Variants in ATP8A2 observed in about 807,000 individuals in gnomAD.
ATP8A2 encodes the protein ATPase phospholipid transporting 8A2, also known as phospholipid-transporting ATPase IB.
ATP8A2 carries 100 observed loss-of-function variants against 165.6 expected under a neutral mutation model. The ratio of observed to expected loss-of-function variants is 0.60; its 90% CI spans 0.51 to 0.71. The LOEUF is 0.71. Among genes scored for constraint, ATP8A2 ranks in the 30% least tolerant of loss-of-function variants. ATP8A2 has a pLI of 0.00. For missense variants in ATP8A2, 1,227 were observed against 1,479.5 expected, an observed-to-expected ratio of 0.83 and a Z score of 2.80; for synonymous variants, 543 against 548.8, an observed-to-expected ratio of 0.99 and a Z score of 0.15.
chr13:25,485,860 A>T (rs2036335851), intron 2 of ATP8A2, among the ~76,000 whole-genome samples: 1 of 152,158 alleles, frequency 6.6e-6, no homozygotes, highest in African/African-American at 2.4e-5. Flanking sequence ...ACCTCTTCAT[A>T]TGTTGTTGGG....
chr13:25,674,753 G>A (rs2042338597), intron 24 of ATP8A2, among the ~76,000 whole-genome samples: 1 of 152,170 alleles, frequency 6.6e-6, no homozygotes, highest in Non-Finnish European at 1.5e-5. Flanking sequence ...TATTAGGAGT[G>A]CAAAACCTGA....
chr13:26,019,374 G>A (rs969093686), intron 36 of ATP8A2, among the ~76,000 whole-genome samples: 6 of 152,246 alleles, frequency 3.9e-5, no homozygotes, highest in African/African-American at 1.4e-4. Flanking sequence ...TCCAGCCTAG[G>A]CGGCAGAGCA....
chr13:25,502,158 C>T (rs978919505), intron 2 of ATP8A2, among the ~76,000 whole-genome samples: 1 of 152,160 alleles, frequency 6.6e-6, no homozygotes, highest in Non-Finnish European at 1.5e-5. Context: ...TGATTTGGAT[C>T]ACGGGGTGTT....
At chr13:25,979,740 G>A (rs1040688192) in intron 35 of ATP8A2, among the ~76,000 whole-genome samples, 7 of 152,306 alleles carry the variant, frequency 4.6e-5, no homozygotes, top group South Asian at 2.1e-4. Context: ...TTTAGAGCTC[G>A]CCTGGTAGTG....
chr13:25,599,930 A>G (rs2040338353), intron 24 of ATP8A2, among the ~76,000 whole-genome samples: 1 of 152,154 alleles, frequency 6.6e-6, no homozygotes, highest in African/African-American at 2.4e-5. Flanking sequence ...TCTTAGAACC[A>G]CTTCTGATAC....
At chr13:25,422,855 G>A (rs2034338749) in intron 1 of ATP8A2, among the ~76,000 whole-genome samples, 1 of 152,260 alleles carries the variant, frequency 6.6e-6, no homozygotes, top group Non-Finnish European at 1.5e-5. Context: ...ACAGGCTGTT[G>A]CTGGGGCAAA....
chr13:25,708,606 A>T (rs1195908342), intron 25 of ATP8A2, among the ~76,000 whole-genome samples: 3 of 152,150 alleles, frequency 2.0e-5, no homozygotes, highest in African/African-American at 7.2e-5. Context: ...CATAAAAAAA[A>T]AACTCCATCC....
At chr13:25,437,186 T>C (rs2034804562) in intron 1 of ATP8A2, among the ~76,000 whole-genome samples, 1 of 152,236 alleles carries the variant, frequency 6.6e-6, no homozygotes, top group African/African-American at 2.4e-5. Context: ...TTTTTTCATA[T>C]GCTTGTTGGC....
At chr13:25,611,768 C>A (rs574804839) in intron 24 of ATP8A2, among the ~76,000 whole-genome samples, 3 of 152,026 alleles carry the variant, frequency 2.0e-5, no homozygotes, top group Admixed American at 6.6e-5. Flanking sequence ...TGGTCCTGGG[C>A]TTATTTTTTG....
chr13:25,606,926 C>T (rs1221514755), intron 24 of ATP8A2, among the ~76,000 whole-genome samples: 1 of 151,732 alleles, frequency 6.6e-6, no homozygotes, highest in East Asian at 1.9e-4. Flanking sequence ...CAAGGGTCCC[C>T]GACCCCCAGG....
At chr13:25,976,756 A>T (rs35938227) in intron 35 of ATP8A2, among the ~76,000 whole-genome samples, 33,465 of 151,914 alleles carry the variant, frequency 0.22, 4,496 homozygotes, top group East Asian at 0.55. Context: ...AAATAAAGGG[A>T]AAAGAGTGTG....
intron 1 of ATP8A2, among the ~76,000 whole-genome samples, chr13:25,421,980 G>A (rs942637052): frequency 1.3e-5 from 2 of 152,088 alleles, no homozygotes; most frequent in East Asian, 3.8e-4. Flanking sequence ...GAACAGATCT[G>A]CTCGTTACGT....
At chr13:25,865,816 G>A (rs1004769066) in intron 33 of ATP8A2, among the ~76,000 whole-genome samples, 9 of 152,024 alleles carry the variant, frequency 5.9e-5, no homozygotes, top group South Asian at 2.1e-4. Flanking sequence ...CTGTTTTTCC[G>A]TTTTTCTCTT....
In ATP8A2 at chr13:26,021,476, T is replaced by C. The variant is rs886462254; in HGVS notation, c.*1491T>C. The C allele has an allele frequency of 6.6e-6, 1 of 152,180 alleles. No homozygotes were observed. Among genetic ancestry groups the C allele is most frequent in the Non-Finnish European group, 1.5e-5 (1 of 68,036 alleles). The allele number at this position is 152,180 out of a possible 1,614,324, so 9.4% of individuals were successfully genotyped here. Reference sequence around the variant, plus strand: ...CAGGTACCTATCAGAATACGGCATATCCTGAATTATCTAAGACAAGGAAGT... The same window carrying C: ...CAGGTACCTATCAGAATACGGCATACCCTGAATTATCTAAGACAAGGAAGT... On this transcript the variant is annotated 3_prime_UTR_variant, in exon 37 of 37. Transcript: ENST00000381655.
intron 2 of ATP8A2, among the ~76,000 whole-genome samples, chr13:25,517,858 A>G (rs2037530995): frequency 6.6e-6 from 1 of 152,242 alleles, no homozygotes; most frequent in African/African-American, 2.4e-5. Flanking sequence ...AATAAAATGA[A>G]GTGAAAATTT....
chr13:25,687,270 A>C (rs1033841483), intron 24 of ATP8A2, among the ~76,000 whole-genome samples: 1 of 152,218 alleles, frequency 6.6e-6, no homozygotes, highest in African/African-American at 2.4e-5. Context: ...TGGGAGCAGT[A>C]AGGAAATGAC....
chr13:25,647,580 T>C (rs193201588), intron 24 of ATP8A2, among the ~76,000 whole-genome samples: 61 of 152,344 alleles, frequency 4.0e-4, no homozygotes, highest in Non-Finnish European at 7.3e-4. Flanking sequence ...TGAATGCCTC[T>C]TTGGGTTGAA....
chr13:25,691,926 A>G (rs997347793), intron 24 of ATP8A2, among the ~76,000 whole-genome samples: 1 of 152,242 alleles, frequency 6.6e-6, no homozygotes, highest in African/African-American at 2.4e-5. Flanking sequence ...ATTAAGTTCT[A>G]TAAATACAAA....
intron 35 of ATP8A2, among the ~76,000 whole-genome samples, chr13:25,984,079 TA>T (rs962444614): frequency 2.6e-5 from 4 of 151,332 alleles, no homozygotes; most frequent in African/African-American, 7.3e-5. Context: ...ACAAAAGTTT[TA>T]AAAAAAATTA....
Sources: gnomAD v4.1 joint callset for allele counts (sites outside exome capture counted in the v4.1 genomes callset) on GRCh38, gnomAD v4.1.1 for gene constraint, MANE v1.5 for transcripts, NCBI Gene and HGNC (gene_info 2026-07-23, HGNC 2026-07-21) for gene names.